NUMB: variants seen among roughly 807,000 people sequenced by gnomAD.
The protein encoded by NUMB is protein numb homolog.
In NUMB, 29 loss-of-function variants were observed where a neutral mutation model predicts 59.7. The ratio of observed to expected loss-of-function variants is 0.49; its 90% CI spans 0.36 to 0.66. The LOEUF (loss-of-function observed/expected upper bound fraction) is 0.66. Among genes scored for constraint, NUMB ranks in the 30% least tolerant of loss-of-function variants. NUMB has a pLI of 0.00. For synonymous variants in NUMB, 288 were observed against 288.2 expected (o/e 1.00, Z 0.01); for missense variants, 723 against 822.0 (o/e 0.88, Z 1.47).
At chr14:73,400,992 C>A (rs1426082708) in intron 2 of NUMB, among the ~76,000 whole-genome samples, 1 of 152,306 alleles carries the variant, frequency 6.6e-6, no homozygotes, top group East Asian at 1.9e-4. Flanking sequence ...GCTGTGGTAA[C>A]CCCAATTTAT....
At chr14:73,450,704 G>A (rs924141516) in intron 1 of NUMB, among the ~76,000 whole-genome samples, 5 of 151,976 alleles carry the variant, frequency 3.3e-5, no homozygotes, top group South Asian at 2.1e-4. Context: ...CAGGATAATC[G>A]CTTGAACCTG....
chr14:73,364,872 A>T (rs1011373311), intron 3 of NUMB, among the ~76,000 whole-genome samples: 1 of 152,160 alleles, frequency 6.6e-6, no homozygotes, highest in Non-Finnish European at 1.5e-5. Flanking sequence ...TCCTGGGCTC[A>T]AGCAAAGGAA....
chr14:73,432,113 T>G (rs928759659), intron 1 of NUMB, among the ~76,000 whole-genome samples: 3 of 152,136 alleles, frequency 2.0e-5, no homozygotes, highest in Non-Finnish European at 4.4e-5. Flanking sequence ...TCAATAAGAA[T>G]GTACTGATTA....
At chr14:73,279,713 A>C (rs1382450145) in intron 11 of NUMB, among the ~76,000 whole-genome samples, 1 of 152,242 alleles carries the variant, frequency 6.6e-6, no homozygotes, top group Non-Finnish European at 1.5e-5. Flanking sequence ...AACAATTTCA[A>C]ATTAAGGTGA....
At chr14:73,445,533 A>G (rs1883433972) in intron 1 of NUMB, among the ~76,000 whole-genome samples, 1 of 152,270 alleles carries the variant, frequency 6.6e-6, no homozygotes, top group African/African-American at 2.4e-5. Context: ...TCATAGTACA[A>G]TTTAATATAC....
At chr14:73,430,403 G>A (rs1320648974) in intron 1 of NUMB, among the ~76,000 whole-genome samples, 1 of 152,080 alleles carries the variant, frequency 6.6e-6, no homozygotes, top group Non-Finnish European at 1.5e-5. Context: ...GCCGAGGCAG[G>A]AAGATGGCTT....
intron 4 of NUMB, among the ~76,000 whole-genome samples, chr14:73,353,072 GTTTTTTTTTTTTTTTT>G (rs71112737): frequency 1.5e-3 from 87 of 58,522 alleles, no homozygotes; most frequent in Non-Finnish European, 2.4e-3. Context: ...AGTTTTTCTT[GTTTTTTTTTTTTTTTT>G]TTTTTTTTTT....
At chr14:73,421,673 A>C (rs1897351235) in intron 1 of NUMB, among the ~76,000 whole-genome samples, 1 of 152,194 alleles carries the variant, frequency 6.6e-6, no homozygotes, top group African/African-American at 2.4e-5. Flanking sequence ...GCCATTAGTA[A>C]TAGGATTTTC....
intron 6 of NUMB, among the ~76,000 whole-genome samples, chr14:73,307,257 C>G (rs940678468): frequency 3.3e-5 from 5 of 151,168 alleles, no homozygotes; most frequent in Non-Finnish European, 7.4e-5. Context: ...TGCAGTGAGC[C>G]GAGATTGCGC....
At chr14:73,325,491 A>C (rs779928618) in intron 4 of NUMB, among the ~76,000 whole-genome samples, 3 of 152,206 alleles carry the variant, frequency 2.0e-5, no homozygotes, top group Non-Finnish European at 4.4e-5. Flanking sequence ...TTTTTAAAAT[A>C]AAAAACAAAA....
At chr14:73,438,780 T>C (rs781566917) in intron 1 of NUMB, among the ~76,000 whole-genome samples, 2 of 152,152 alleles carry the variant, frequency 1.3e-5, no homozygotes, top group East Asian at 3.9e-4. Flanking sequence ...TAAATGTTAA[T>C]GTAATTTTTT....
At chr14:73,314,788 A>T (rs1235754794) in intron 6 of NUMB, among the ~76,000 whole-genome samples, 12 of 152,040 alleles carry the variant, frequency 7.9e-5, no homozygotes, top group Non-Finnish European at 1.8e-4. Flanking sequence ...CTTGAACAAT[A>T]GTTAAAATTG....
intron 2 of NUMB, among the ~76,000 whole-genome samples, chr14:73,387,134 G>A (rs540653169): frequency 1.3e-5 from 2 of 151,608 alleles, no homozygotes; most frequent in African/African-American, 2.4e-5. Flanking sequence ...CGCCCGCCTC[G>A]GCCTCCCAAA....
At chr14:73,314,741 T>C (rs1448988137) in intron 6 of NUMB, among the ~76,000 whole-genome samples, 1 of 152,012 alleles carries the variant, frequency 6.6e-6, no homozygotes, top group Non-Finnish European at 1.5e-5. Flanking sequence ...TATATAGCCT[T>C]ATCTGCTGCT....
At chr14:73,447,173 G>A (rs142964145) in intron 1 of NUMB, among the ~76,000 whole-genome samples, 7,651 of 140,230 alleles carry the variant, frequency 0.055, 639 homozygotes, top group African/African-American at 0.19. Flanking sequence ...GCAACAGAGC[G>A]AGACTCCATC....
intron 1 of NUMB, among the ~76,000 whole-genome samples, chr14:73,439,582 A>C (rs960916544): frequency 2.0e-5 from 3 of 152,218 alleles, no homozygotes; most frequent in African/African-American, 7.2e-5. Flanking sequence ...ATCAAGGTTA[A>C]TACAATCTTT....
chr14:73,310,821 GTC>G (rs1890740949), intron 6 of NUMB, among the ~76,000 whole-genome samples: 2 of 152,160 alleles, frequency 1.3e-5, no homozygotes, highest in South Asian at 4.1e-4. Flanking sequence ...AATATTTCCT[GTC>G]TCTATGTTGA....
At chr14:73,430,195 T>C (rs1345488558) in intron 1 of NUMB, among the ~76,000 whole-genome samples, 3 of 151,468 alleles carry the variant, frequency 2.0e-5, no homozygotes, top group Non-Finnish European at 1.5e-5. Flanking sequence ...CATTTGCATA[T>C]AGGTTTTTGT....
chr14:73,381,397 A>G (rs1166839149), intron 2 of NUMB, among the ~76,000 whole-genome samples: 1 of 152,224 alleles, frequency 6.6e-6, no homozygotes, highest in Admixed American at 6.5e-5. Context: ...TATGGCTTAT[A>G]AAGCTTGAAA....
Sources: gnomAD v4.1 joint callset for allele counts (sites outside exome capture counted in the v4.1 genomes callset) on GRCh38, gnomAD v4.1.1 for gene constraint, MANE v1.5 for transcripts, NCBI Gene and HGNC (gene_info 2026-07-23, HGNC 2026-07-21) for gene names.